The following BBX variants were observed in gnomAD, a reference collection of about 807,000 sequenced individuals.
BBX encodes the protein HMG box transcription factor BBX.
BBX carries 30 observed loss-of-function variants against 100.2 expected under a neutral mutation model. The ratio of observed to expected loss-of-function variants is 0.30; its 90% CI spans 0.22 to 0.41. The LOEUF (loss-of-function observed/expected upper bound fraction) is 0.41, where lower values mean the gene tolerates loss of function less well. Ranked by LOEUF, BBX falls within the 10% of genes least tolerant of loss-of-function variation. The pLI, the probability that BBX is intolerant of heterozygous loss-of-function variation, is 1.00. For missense variants in BBX, 1,023 were observed against 1,129.8 expected (o/e 0.91, Z 1.35); for synonymous variants, 376 against 388.1 (o/e 0.97, Z 0.37).
At chr3:107,556,468 T>C (rs2050106387) in intron 2 of BBX, among the ~76,000 whole-genome samples, 1 of 152,222 alleles carries the variant, frequency 6.6e-6, no homozygotes. Context: ...GTATTACATG[T>C]AAATGCTGGG....
intron 3 of BBX, among the ~76,000 whole-genome samples, chr3:107,651,655 G>T (rs537636177): frequency 6.6e-6 from 1 of 151,890 alleles, no homozygotes; most frequent in Non-Finnish European, 1.5e-5. Flanking sequence ...ATATACTTAA[G>T]ATTTTTGGTA....
chr3:107,530,746 T>A (rs1405066489), intron 2 of BBX, among the ~76,000 whole-genome samples: 2 of 152,264 alleles, frequency 1.3e-5, no homozygotes, highest in African/African-American at 4.8e-5. Context: ...AAAATACCTT[T>A]AACATCCCAA....
chr3:107,568,683 A>C (rs2051119290), intron 2 of BBX, among the ~76,000 whole-genome samples: 1 of 151,830 alleles, frequency 6.6e-6, no homozygotes, highest in Admixed American at 6.6e-5. Context: ...TTAACCATTT[A>C]TTTCTTTATT....
chr3:107,642,460 G>A lies in BBX; in HGVS notation c.-83-3376G>A, dbSNP rs564583006. Among the ~76,000 whole-genome samples the A allele has an allele frequency of 2.8e-4, 43 of 152,288 alleles. No homozygotes were observed. In the South Asian group the frequency reaches 3.5e-3, roughly 12 times the overall value. ...AAATTGGAATACAGTACCTACTGAC[G>A]AAATGGAGGAAGCCAGCGGAAGGTT... is the stretch of plus-strand genomic sequence containing the variant. On this transcript the variant is annotated intron_variant, in intron 2 of 17. Transcript: ENST00000325805.
At chr3:107,756,075 CT>C (rs1248722648) in intron 10 of BBX, among the ~76,000 whole-genome samples, 2 of 151,454 alleles carry the variant, frequency 1.3e-5, no homozygotes, top group African/African-American at 4.8e-5. Context: ...TTTTTTTTTC[CT>C]GGTGAAGAAT....
chr3:107,782,812 G>A (rs2107861231), intron 13 of BBX, among the ~76,000 whole-genome samples: 1 of 152,164 alleles, frequency 6.6e-6, no homozygotes, highest in Admixed American at 6.6e-5. Flanking sequence ...AAGCCAGTTT[G>A]CATACCAGCA....
intron 2 of BBX, among the ~76,000 whole-genome samples, chr3:107,572,663 CAT>C (rs1201199466): frequency 3.3e-5 from 5 of 152,026 alleles, no homozygotes; most frequent in African/African-American, 1.2e-4. Context: ...TTAAAAGTAA[CAT>C]ATAAATTATC....
intron 2 of BBX, among the ~76,000 whole-genome samples, chr3:107,594,580 G>A (rs962034797): frequency 3.3e-5 from 5 of 152,098 alleles, no homozygotes; most frequent in African/African-American, 1.2e-4. Context: ...TAGCTTCAAT[G>A]CCAGCTCTTT....
intron 3 of BBX, among the ~76,000 whole-genome samples, chr3:107,690,770 G>A (rs1232752249): frequency 3.3e-5 from 5 of 151,486 alleles, no homozygotes; most frequent in Admixed American, 1.3e-4. Context: ...TTCAGTAAAC[G>A]TGTATCTTGT....
At position 107,709,538 on chromosome 3, in the gene BBX, A is replaced by G. The variant is rs537347108; in HGVS notation, c.-9-914A>G. On this transcript the variant is annotated intron_variant, in intron 3 of 17. Coordinates refer to ENST00000325805, the MANE Select transcript of BBX (RefSeq NM_001142568.3). Reference sequence around the variant, plus strand: ...CAGCATTCATGAACCATTTAAACCAATGGCATTTAATTGTATTGTTTGAGT... The same window carrying G: ...CAGCATTCATGAACCATTTAAACCAGTGGCATTTAATTGTATTGTTTGAGT... Among the ~76,000 whole-genome samples, 12 of 152,368 alleles carry G rather than the reference A, an allele frequency of 7.9e-5. No individual in the cohort carries two copies. In the South Asian group the frequency reaches 2.5e-3, roughly 32 times the overall value.
chr3:107,694,036 A>G (rs1391129278), intron 3 of BBX, among the ~76,000 whole-genome samples: 3 of 145,370 alleles, frequency 2.1e-5, no homozygotes, highest in African/African-American at 7.9e-5. Context: ...ATTTTTGTAC[A>G]TTGATTTTGT....
intron 2 of BBX, among the ~76,000 whole-genome samples, chr3:107,633,519 G>A (rs1370167290): frequency 2.0e-5 from 3 of 152,112 alleles, no homozygotes; most frequent in Non-Finnish European, 4.4e-5. Context: ...GTCATCTCTG[G>A]GCATCATGCC....
intron 16 of BBX, 66 bp downstream of exon 16, chr3:107,798,786 A>C: frequency 6.9e-7 from 1 of 1,455,600 alleles, no homozygotes; most frequent in Non-Finnish European, 9.6e-7. Context: ...ACACTGGAAG[A>C]AGAATTGTCT....
chr3:107,801,051 A>C, intron 16 of BBX, 44 bp from the exon 17 acceptor site: 1 of 1,578,878 alleles, frequency 6.3e-7, no homozygotes, highest in Non-Finnish European at 8.7e-7. Context: ...TTCTCTGGAG[A>C]GAACAGAGTG....
intron 2 of BBX, among the ~76,000 whole-genome samples, chr3:107,588,192 G>T (rs368680439): frequency 3.5e-4 from 54 of 152,240 alleles, no homozygotes; most frequent in African/African-American, 1.1e-3. Context: ...ATGACTGAAG[G>T]TTCTGCTTGG....
At chr3:107,732,490 T>G (rs1314356508) in intron 6 of BBX, among the ~76,000 whole-genome samples, 1 of 152,172 alleles carries the variant, frequency 6.6e-6, no homozygotes, top group Non-Finnish European at 1.5e-5. Flanking sequence ...CAGGCCTGAT[T>G]TGAAAACTTC....
At chr3:107,666,626 C>T (rs184232509) in intron 3 of BBX, among the ~76,000 whole-genome samples, 3 of 152,148 alleles carry the variant, frequency 2.0e-5, no homozygotes, top group South Asian at 4.1e-4. Context: ...AGTGCAGTGG[C>T]GCGATCTCGG....
At chr3:107,772,378 A>G (rs2066978558) in intron 10 of BBX, among the ~76,000 whole-genome samples, 2 of 152,210 alleles carry the variant, frequency 1.3e-5, no homozygotes, top group Non-Finnish European at 2.9e-5. Context: ...TCATAGGAAA[A>G]GCTTCTGTTG....
At chr3:107,527,239 C>T (rs2047845167) in intron 2 of BBX, among the ~76,000 whole-genome samples, 1 of 142,274 alleles carries the variant, frequency 7.0e-6, no homozygotes, top group Non-Finnish European at 1.6e-5. Context: ...TAAAGGAACA[C>T]CCCAGGTACT....
Sources: allele counts gnomAD v4.1 joint callset (sites outside exome capture counted in the v4.1 genomes callset), GRCh38; gene constraint gnomAD v4.1.1; transcripts MANE v1.5; gene names NCBI Gene and HGNC (gene_info 2026-07-23, HGNC 2026-07-21).